UBAP2: variants seen among roughly 807,000 people sequenced by gnomAD.
UBAP2 encodes the protein ubiquitin-associated protein 2.
Under a neutral mutation model 139.6 loss-of-function variants are expected in UBAP2, and 75 were observed. That is an observed-to-expected ratio of 0.54 (90% CI 0.45 to 0.65). UBAP2 has a LOEUF of 0.65. UBAP2 is among the 30% of genes least tolerant of loss of function. UBAP2 has a pLI of 0.00. For missense variants in UBAP2, 1,368 were observed against 1,369.6 expected (o/e 1.00, Z 0.02); for synonymous variants, 526 against 526.2 (o/e 1.00, Z 0.01).
chr9:33,931,016 A>C (rs538176325), intron 19 of UBAP2, among the ~76,000 whole-genome samples: 1 of 152,114 alleles, frequency 6.6e-6, no homozygotes, highest in African/African-American at 2.4e-5. Context: ...AGCCAAGTAG[A>C]TGAGAGACAG....
Position 33,922,355 on chromosome 9 carries a change from T to C in UBAP2, c.*149A>G. ...ACATACATAAATACATTACATACAG[T>C]AGCCAGTCTGGGAGGCAGACTCCCC... On this transcript the variant is annotated 3_prime_UTR_variant, in exon 29 of 29. Coordinates refer to ENST00000379238, the MANE Select transcript of UBAP2 (RefSeq NM_001370062.2). 3 of 742,222 alleles carry C rather than the reference T, an allele frequency of 4.0e-6. No homozygotes were observed. The highest frequency in any genetic ancestry group is 2.3e-6 in the Non-Finnish European group (1 of 428,090). The allele number at this position is 742,222 out of a possible 1,614,324, so 46.0% of individuals were successfully genotyped here. A position where few individuals can be genotyped will look rare whatever the true frequency, so the allele number is the denominator to read the frequency against.
chr9:34,037,863 G>A (rs1050582532), intron 1 of UBAP2, among the ~76,000 whole-genome samples: 4 of 151,830 alleles, frequency 2.6e-5, no homozygotes, highest in African/African-American at 7.3e-5. Flanking sequence ...TGGGAAAGAG[G>A]CTATAAAAAT....
intron 1 of UBAP2, among the ~76,000 whole-genome samples, chr9:34,043,079 A>G (rs1564078269): frequency 6.6e-6 from 1 of 152,006 alleles, no homozygotes; most frequent in Admixed American, 6.6e-5. Context: ...AAAAAAAACA[A>G]CTCTACATAT....
At chr9:33,927,691 C>T (rs939756677) in intron 20 of UBAP2, 106 bp downstream of exon 20, 4 of 1,221,138 alleles carry the variant, frequency 3.3e-6, no homozygotes, top group East Asian at 4.9e-5. Context: ...GCAGCGCACT[C>T]GGCGGGCCTG....
intron 1 of UBAP2, among the ~76,000 whole-genome samples, chr9:34,046,488 C>CA (rs1340770909): frequency 6.6e-6 from 1 of 151,562 alleles, no homozygotes; most frequent in East Asian, 1.9e-4. Flanking sequence ...CTGAAAAATA[C>CA]AAAAAATTAG....
At chr9:33,967,584 G>A (rs138894858) in intron 8 of UBAP2, among the ~76,000 whole-genome samples, 4 of 152,006 alleles carry the variant, frequency 2.6e-5, no homozygotes, top group Admixed American at 6.6e-5. Flanking sequence ...TCATACATAC[G>A]TATCTGAAAT....
intron 6 of UBAP2, among the ~76,000 whole-genome samples, chr9:33,981,400 G>A: frequency 6.7e-6 from 1 of 150,046 alleles, no homozygotes; most frequent in South Asian, 2.1e-4. Context: ...AATATCTGAA[G>A]GCTGGAGTGT....
At chr9:33,980,173 C>T (rs1354680513) in intron 6 of UBAP2, among the ~76,000 whole-genome samples, 1 of 149,200 alleles carries the variant, frequency 6.7e-6, no homozygotes, top group Non-Finnish European at 1.5e-5. Flanking sequence ...AATCCAAATC[C>T]TGACATTCTA....
At chr9:34,015,866 C>T (rs12683351) in intron 2 of UBAP2, among the ~76,000 whole-genome samples, 21,201 of 151,934 alleles carry the variant, frequency 0.14, 1,662 homozygotes, top group South Asian at 0.33. Flanking sequence ...ACAAGGTCCT[C>T]ACTATGTTGC....
At chr9:34,020,450 G>A (rs1373816126) in intron 1 of UBAP2, among the ~76,000 whole-genome samples, 1 of 151,614 alleles carries the variant, frequency 6.6e-6, no homozygotes, top group Non-Finnish European at 1.5e-5. Flanking sequence ...TCAGCCTCCC[G>A]AATAACTGGG....
chr9:33,950,911 AC>A (rs1177981765), intron 12 of UBAP2, among the ~76,000 whole-genome samples: 1 of 152,272 alleles, frequency 6.6e-6, no homozygotes, highest in Non-Finnish European at 1.5e-5. Flanking sequence ...GCATACATGC[AC>A]ATACACACAA....
intron 1 of UBAP2, among the ~76,000 whole-genome samples, chr9:34,044,004 T>C (rs1827330827): frequency 6.9e-6 from 1 of 144,818 alleles, no homozygotes; most frequent in Non-Finnish European, 1.5e-5. Flanking sequence ...GGCAGGCTAA[T>C]CGCTTGAACC....
intron 16 of UBAP2, among the ~76,000 whole-genome samples, chr9:33,941,295 A>C (rs1825177465): frequency 6.6e-6 from 1 of 152,244 alleles, no homozygotes; most frequent in Non-Finnish European, 1.5e-5. Context: ...AACAGTGATG[A>C]AGAAGCAAAT....
chr9:33,942,007 A>G (rs538670819), intron 15 of UBAP2, 145 bp from the exon 16 acceptor site: 23 of 633,006 alleles, frequency 3.6e-5, no homozygotes, highest in Non-Finnish European at 4.6e-5. Flanking sequence ...ACTGAGAGAT[A>G]GGGGGACATC....
intron 4 of UBAP2, among the ~76,000 whole-genome samples, chr9:33,989,750 CACCTCACTT>C (rs1327744915): frequency 6.6e-6 from 1 of 152,080 alleles, no homozygotes; most frequent in African/African-American, 2.4e-5. Context: ...TATTCTACAC[CACCTCACTT>C]ACCTCTCTAT....
intron 3 of UBAP2, chr9:33,997,830 G>GA (rs1383405740): frequency 6.6e-6 from 1 of 152,164 alleles, no homozygotes; most frequent in Non-Finnish European, 1.5e-5. Context: ...TCATTCCAGA[G>GA]AAAGAAATCT....
At position 33,922,767 on chromosome 9, in the gene UBAP2, G is replaced by A; in HGVS notation, c.3184C>T (p.Pro1062Ser). The A allele has an allele frequency of 5.8e-6, 9 of 1,560,534 alleles. No individual in the cohort carries two copies. The highest frequency in any genetic ancestry group is 7.8e-6 in the Non-Finnish European group (9 of 1,154,244). The change falls in exon 28 of 29, where the codon CCA becomes TCA. Residue 1062 changes from proline to serine, a missense_variant. Transcript: ENST00000379238. ...ASGAAPGYAP[P>S]PFLHILPAHQ... ...GCTGGCAAGATGTGTAGGAATGGTG[G>A]GGGTGCATAGCCAGGGGCCGCTCCC...
chr9:34,034,168 A>G (rs1454824268), intron 1 of UBAP2, among the ~76,000 whole-genome samples: 1 of 152,226 alleles, frequency 6.6e-6, no homozygotes, highest in Admixed American at 6.5e-5. Context: ...GTGATTTATA[A>G]AAGTTCAACA....
chr9:33,959,777 G>A (rs752319148), intron 10 of UBAP2, among the ~76,000 whole-genome samples: 22 of 152,002 alleles, frequency 1.4e-4, no homozygotes, highest in Non-Finnish European at 2.8e-4. Flanking sequence ...AACTTATTCA[G>A]GTTAATTTCA....
Sources: gnomAD v4.1 joint callset for allele counts (sites outside exome capture counted in the v4.1 genomes callset) on GRCh38, gnomAD v4.1.1 for gene constraint, MANE v1.5 for transcripts, NCBI Gene and HGNC (gene_info 2026-07-23, HGNC 2026-07-21) for gene names.